The following FBP2 variants were observed in gnomAD, a reference collection of about 807,000 sequenced individuals.
FBP2 encodes fructose-1,6-bisphosphatase isozyme 2.
FBP2 carries 27 observed loss-of-function variants against 31.6 expected under a neutral mutation model. That is an observed-to-expected ratio of 0.85 (90% CI 0.63 to 1.18). The LOEUF (loss-of-function observed/expected upper bound fraction) is 1.18, where lower values mean the gene tolerates loss of function less well. Among genes scored for constraint, FBP2 ranks in the 50% most tolerant of loss-of-function variants. FBP2 has a pLI of 0.00. For missense variants in FBP2, 421 were observed against 436.1 expected (o/e 0.97, Z 0.31); for synonymous variants, 168 against 179.8 (o/e 0.93, Z 0.53).
chr9:94,562,286 G>A (rs1587836017), intron 6 of FBP2, among the ~76,000 whole-genome samples: 1 of 148,278 alleles, frequency 6.7e-6, no homozygotes, highest in Admixed American at 6.7e-5. Flanking sequence ...CTCCAGCCTG[G>A]GCGACAGAGC....
At chr9:94,567,962 A>G (rs478604) in intron 4 of FBP2, 73,760 of 151,858 alleles carry the variant, frequency 0.49, 18,523 homozygotes, top group African/African-American at 0.6. Context: ...CCCCGTCTTT[A>G]CTAAATATAC....
At chr9:94,570,930 A>C (rs1827262299) in intron 4 of FBP2, 1 of 152,244 alleles carries the variant, frequency 6.6e-6, no homozygotes, top group African/African-American at 2.4e-5. Context: ...GTAAATCAAA[A>C]ACTTAAATAC....
chr9:94,562,159 A>AAAT (rs1400847110), intron 6 of FBP2, among the ~76,000 whole-genome samples: 1 of 151,666 alleles, frequency 6.6e-6, no homozygotes, highest in Non-Finnish European at 1.5e-5. Context: ...AAAATACAAA[A>AAAT]AATTAGCCAG....
At chr9:94,562,419 T>A (rs2131441515) in intron 6 of FBP2, among the ~76,000 whole-genome samples, 1 of 151,894 alleles carries the variant, frequency 6.6e-6, no homozygotes, top group Middle Eastern at 3.4e-3. Context: ...TGCAGGCTTA[T>A]CAGTGTTCTT....
chr9:94,563,069 A>C (rs1827132796), intron 6 of FBP2, among the ~76,000 whole-genome samples: 1 of 152,254 alleles, frequency 6.6e-6, no homozygotes, highest in African/African-American at 2.4e-5. Flanking sequence ...AGTGAGACAC[A>C]CAGCTGGTTC....
chr9:94,563,382 A>T lies in FBP2; in HGVS notation c.785T>A (p.Ile262Asn). The T allele has an allele frequency of 6.2e-7, 1 of 1,614,130 alleles. No homozygotes were observed. The change falls in exon 6 of 7, where the codon ATC (isoleucine) becomes AAC (asparagine). Residue 262 changes from isoleucine (I) to asparagine (N), a missense_variant. Coordinates refer to ENST00000375337, the MANE Select transcript of FBP2 (RefSeq NM_003837.4). ...DVHRTLVYGGIFLYPANQKSP... is the reference protein window; with the variant it reads ...DVHRTLVYGGNFLYPANQKSP... ...CTTCTGGTTGGCTGGGTACAGGAAG[A>T]TTCCTCCATAGACCAGGGTGCGGTG...
rs1255774700 is a variant in FBP2 at position 94,587,607 on chromosome 9, A to G, written c.171-138T>C. ...AGTCTCCAAGTCACACGTGCAGAAG[A>G]AGGCGATTATGCCTGGCAGGATACC... On this transcript the variant is annotated intron_variant, in intron 1 of 6. Coordinates refer to ENST00000375337, the MANE Select transcript of FBP2 (RefSeq NM_003837.4). 4.0e-5 allele frequency: 30 copies of G among 755,868 alleles called. 1 individual carries two copies. Among genetic ancestry groups the G allele is most frequent in the Non-Finnish European group, 5.8e-5 (26 of 444,654 alleles). 46.8% of individuals were successfully genotyped at this position (755,868 alleles called of 1,614,324 possible). A position where few individuals can be genotyped will look rare whatever the true frequency, so the allele number is the denominator to read the frequency against.
At position 94,571,547 on chromosome 9, in the gene FBP2, A is replaced by G. The variant is rs920924311; in HGVS notation, c.482T>C (p.Val161Ala). ...ACCGTACAGCGCATAACCTGCGGCCACAATATTGCGGCCACACTGCAGGGC... is the reference window on the plus strand; with the variant it reads ...ACCGTACAGCGCATAACCTGCGGCCGCAATATTGCGGCCACACTGCAGGGC... ...KDALQCGRNI[V>A]AAGYALYGSA... Residue 161 changes from valine (V) to alanine (A), a missense_variant, in exon 4 of 7, where the codon GTG (valine) becomes GCG (alanine). Val to Ala is a moderately conservative substitution (Grantham distance 64). Coordinates refer to ENST00000375337, the MANE Select transcript of FBP2 (RefSeq NM_003837.4). The G allele has an allele frequency of 1.9e-6, 3 of 1,613,798 alleles. No individual in the cohort carries two copies. Among genetic ancestry groups the G allele is most frequent in the Non-Finnish European group, 1.7e-6 (2 of 1,179,758 alleles).
chr9:94,567,333 C>T lies in FBP2; in HGVS notation c.642G>A (p.Glu214=). Residue 214 remains glutamate, a synonymous_variant, in exon 5 of 7, where the codon GAG becomes GAA. Transcript: ENST00000375337. ...KKKGKIYSLN[E]GYAKYFDAAT... ...CCGCATCAAAATACTTGGCATAGCCCTCATTCAGGCTGTAAATCTTTCCTT... is the reference window on the plus strand; with the variant it reads ...CCGCATCAAAATACTTGGCATAGCCTTCATTCAGGCTGTAAATCTTTCCTT... 1 of 1,614,160 alleles carries T rather than the reference C, an allele frequency of 6.2e-7. No homozygotes were observed. Among genetic ancestry groups the T allele is most frequent in the Non-Finnish European group, 8.5e-7 (1 of 1,179,990 alleles).
At position 94,587,634 on chromosome 9, in the gene FBP2, C is replaced by T. The variant is rs545927773; in HGVS notation, c.171-165G>A. 5.3e-5 allele frequency among the ~76,000 whole-genome samples: 8 copies of T among 150,992 alleles called. No individual in the cohort carries two copies. In the East Asian group the frequency reaches 1.6e-3, roughly 29 times the overall value. ...GGCGATTATGCCTGGCAGGATACCT[C>T]TCAGCCTTGCCTCCCTTACACCTTG... On this transcript the variant is annotated intron_variant, in intron 1 of 6. Coordinates refer to ENST00000375337, the MANE Select transcript of FBP2 (RefSeq NM_003837.4).
intron 6 of FBP2, among the ~76,000 whole-genome samples, chr9:94,562,814 T>G (rs1047259946): frequency 2.0e-5 from 3 of 152,222 alleles, no homozygotes; most frequent in Non-Finnish European, 2.9e-5. Flanking sequence ...GAACTACCTT[T>G]CCAGATATAT....
chr9:94,558,939 T>C lies in FBP2; in HGVS notation c.1019A>G (p.Ter340TrpextTer3), dbSNP rs77568573. The change falls in exon 7 of 7, where the codon TAG (stop) becomes TGG (tryptophan). Residue 340 changes from the stop codon to tryptophan (W), a stop_lost. Transcript: ENST00000375337. ...TCVQKNQAGS[*>W] Reference sequence around the variant, plus strand: ...AGAGGGCATGTGGGGTCAAACTCGCTAGCTGCCTGCCTGATTTTTCTGCAC... The same window carrying C: ...AGAGGGCATGTGGGGTCAAACTCGCCAGCTGCCTGCCTGATTTTTCTGCAC... The C allele has an allele frequency of 2.0e-3, 3,230 of 1,614,060 alleles. 56 individuals carry two copies. In the African/African-American group the frequency reaches 0.038, roughly 19 times the overall value.
At chr9:94,565,354 G>A (rs964295085) in intron 5 of FBP2, among the ~76,000 whole-genome samples, 1 of 120,546 alleles carries the variant, frequency 8.3e-6, no homozygotes, top group Non-Finnish European at 1.6e-5. Context: ...TGGAGACAGA[G>A]CAAGACTCCA....
chr9:94,560,739 TATA>T (rs1484746661), intron 6 of FBP2, among the ~76,000 whole-genome samples: 6 of 147,980 alleles, frequency 4.1e-5, no homozygotes, highest in Admixed American at 6.8e-5. Flanking sequence ...TATATTTACA[TATA>T]ATATGTTATA....
At chr9:94,584,124 CAG>C (rs1417993739) in intron 3 of FBP2, among the ~76,000 whole-genome samples, 1 of 152,120 alleles carries the variant, frequency 6.6e-6, no homozygotes, top group African/African-American at 2.4e-5. Context: ...CAGGTGTACT[CAG>C]GGGTTCAGAT....
chr9:94,570,310 GTAAT>G (rs1827253830), intron 4 of FBP2: 2 of 152,356 alleles, frequency 1.3e-5, no homozygotes, highest in Admixed American at 6.5e-5. Context: ...GTGTGGTAGA[GTAAT>G]TAAAGCACAG....
chr9:94,592,923 A>G (rs1055996266), intron 1 of FBP2, among the ~76,000 whole-genome samples: 2 of 152,200 alleles, frequency 1.3e-5, no homozygotes, highest in African/African-American at 4.8e-5. Flanking sequence ...ATGCTCGGAT[A>G]AAGCACCAAA....
At chr9:94,588,399 G>A (rs62578752) in intron 1 of FBP2, among the ~76,000 whole-genome samples, 2,497 of 151,906 alleles carry the variant, frequency 0.016, 34 homozygotes, top group Non-Finnish European at 0.025. Context: ...AGGCGTGTAG[G>A]TCGCTTGAGC....
At chr9:94,585,543 G>C (rs1827417624) in intron 2 of FBP2, among the ~76,000 whole-genome samples, 2 of 151,334 alleles carry the variant, frequency 1.3e-5, no homozygotes, top group African/African-American at 4.9e-5. Flanking sequence ...CATGAGGGGG[G>C]GTCACATTTG....
Sources: allele counts gnomAD v4.1 joint callset (sites outside exome capture counted in the v4.1 genomes callset), GRCh38; gene constraint gnomAD v4.1.1; transcripts MANE v1.5; gene names NCBI Gene and HGNC (gene_info 2026-07-23, HGNC 2026-07-21).